STAU1: variants seen among roughly 807,000 people sequenced by gnomAD.
STAU1 encodes staufen double-stranded RNA binding protein 1.
A neutral mutation model predicts 62.9 loss-of-function variants in STAU1; 13 were observed. The observed-to-expected ratio is 0.21, with a 90% CI of 0.13 to 0.33. The LOEUF (loss-of-function observed/expected upper bound fraction) is 0.33. Among genes scored for constraint, STAU1 ranks in the 10% least tolerant of loss-of-function variants. The pLI, the probability that STAU1 is intolerant of heterozygous loss-of-function variation, is 1.00. For missense variants in STAU1, 571 were observed against 712.1 expected, an observed-to-expected ratio of 0.80 and a Z score of 2.25; for synonymous variants, 269 against 265.1, an observed-to-expected ratio of 1.01 and a Z score of -0.14.
At chr20:49,131,601 G>A (rs1228252486) in intron 6 of STAU1, among the ~76,000 whole-genome samples, 2 of 152,088 alleles carry the variant, frequency 1.3e-5, no homozygotes, top group African/African-American at 2.4e-5. Flanking sequence ...CCAGCACTTT[G>A]GGAGGCCAAG....
chr20:49,159,820 C>T (rs1335550729), intron 3 of STAU1, among the ~76,000 whole-genome samples: 3 of 152,210 alleles, frequency 2.0e-5, no homozygotes, highest in Non-Finnish European at 4.4e-5. Flanking sequence ...CCTTGGCCTT[C>T]CAAAGTGCTG....
At chr20:49,164,956 C>A (rs1365980544) in intron 3 of STAU1, among the ~76,000 whole-genome samples, 1 of 152,296 alleles carries the variant, frequency 6.6e-6, no homozygotes, top group Middle Eastern at 3.4e-3. Context: ...TGGCTGCCCC[C>A]TTGCTTGGGA....
chr20:49,170,183 G>A lies in STAU1; in HGVS notation c.-84-3898C>T, dbSNP rs117493475. ...CTAGACCATACTGAGCACAGTCCGA[G>A]TGATTTAATATACAAGAAGGCAGAC... On this transcript the variant is annotated intron_variant, in intron 2 of 13. Transcript: ENST00000371856. Among the ~76,000 whole-genome samples the A allele has an allele frequency of 5.1e-3, 772 of 152,296 alleles. 5 individuals are homozygous for A. The highest frequency in any genetic ancestry group is 0.035 in the South Asian group (171 of 4,828).
chr20:49,117,915 T>G lies in STAU1; in HGVS notation c.1371A>C (p.Arg457=). The part of the protein sequence containing the change: ...AKATVTAMIA[R]ELLYGGTSPT... The stretch of plus-strand genomic sequence containing the variant: ...GCGAGGTGCCCCCATACAACAACTC[T>G]CGGGCTATCATGGCAGTTACCGTGG... The change falls in exon 11 of 14, where the codon CGA becomes CGC. Residue 457 remains arginine, a synonymous_variant. Transcript: ENST00000371856. The surrounding 1 kb of genome is among the most constrained non-coding windows in gnomAD (Gnocchi z 4.6). 6.2e-7 allele frequency: 1 copy of G among 1,614,112 alleles called. No individual in the cohort carries two copies. Among genetic ancestry groups the G allele is most frequent in the Non-Finnish European group, 8.5e-7 (1 of 1,180,014 alleles).
chr20:49,173,634 A>AG (rs2093624987), intron 2 of STAU1, among the ~76,000 whole-genome samples: 3 of 152,330 alleles, frequency 2.0e-5, no homozygotes, highest in South Asian at 4.1e-4. Context: ...CAGCTTCTAG[A>AG]GGGAAAGTGT....
the STAU1 span, among the ~76,000 whole-genome samples, chr20:49,208,744 C>T: frequency 2.0e-5 from 3 of 151,580 alleles, no homozygotes; most frequent in Non-Finnish European, 2.9e-5. Context: ...CTCAGCCTCC[C>T]GAGTAGGTGG....
chr20:49,125,608 A>G (rs1484824014), intron 6 of STAU1, among the ~76,000 whole-genome samples: 1 of 149,008 alleles, frequency 6.7e-6, no homozygotes, highest in Non-Finnish European at 1.5e-5. Flanking sequence ...GCACTTTGGG[A>G]GGCCGAGGCA....
At chr20:49,138,828 G>C (rs976839416) in intron 5 of STAU1, among the ~76,000 whole-genome samples, 2 of 151,990 alleles carry the variant, frequency 1.3e-5, no homozygotes, top group African/African-American at 4.8e-5. Flanking sequence ...TAAATCCTAA[G>C]CAGAAAAAGG....
Position 49,117,983 on chromosome 20 carries a change from G to A in STAU1, c.1303C>T (p.His435Tyr). ...AQAVGVSQGHHTKDFTRAAPN... is the reference protein window; with the variant it reads ...AQAVGVSQGHYTKDFTRAAPN... ...GCTGCCCTGGTAAAATCTTTGGTGT[G>A]ATGTCCTTGACTAACTCCTACAGCC... The change falls in exon 11 of 14, where the codon CAC (histidine) becomes TAC (tyrosine). Residue 435 changes from histidine to tyrosine, a missense_variant. By Grantham distance (83) the His-to-Tyr change is moderately conservative. Around this residue, in one of 3 missense-constraint regions of STAU1, gnomAD observed 156 missense variants for 194.7 expected, o/e 0.80. Transcript: ENST00000371856. This position sits in a 1 kb window ranked among gnomAD's most constrained non-coding sequence, Gnocchi z 4.6. 4 of 1,614,204 alleles carry A rather than the reference G, an allele frequency of 2.5e-6. No individual in the cohort carries two copies. The highest frequency in any genetic ancestry group is 3.4e-6 in the Non-Finnish European group (4 of 1,180,038).
chr20:49,135,127 T>C (rs1479473122), intron 6 of STAU1: 2 of 801,772 alleles, frequency 2.5e-6, no homozygotes, highest in Non-Finnish European at 2.2e-6. Flanking sequence ...GAGAAGAGCA[T>C]GTCTTTACTT....
At chr20:49,157,262 C>A (rs1369901026) in intron 3 of STAU1, among the ~76,000 whole-genome samples, 1 of 152,146 alleles carries the variant, frequency 6.6e-6, no homozygotes, top group Non-Finnish European at 1.5e-5. Flanking sequence ...CAAATTAAGA[C>A]AATGTTTGTT....
chr20:49,187,340 A>G (rs767126599), intron 1 of STAU1, among the ~76,000 whole-genome samples: 16 of 152,160 alleles, frequency 1.1e-4, no homozygotes, highest in Non-Finnish European at 2.1e-4. Context: ...CAGTGTCCCA[A>G]TTAAGCGTAC....
At chr20:49,161,429 T>C (rs1294016212) in intron 3 of STAU1, among the ~76,000 whole-genome samples, 1 of 152,242 alleles carries the variant, frequency 6.6e-6, no homozygotes, top group Non-Finnish European at 1.5e-5. Flanking sequence ...TGTCTAAGTA[T>C]AGTTTTTGTT....
the STAU1 span, among the ~76,000 whole-genome samples, chr20:49,218,091 T>A: frequency 1.3e-5 from 2 of 151,096 alleles, no homozygotes; most frequent in South Asian, 4.2e-4. Flanking sequence ...GTCAGGCTGG[T>A]TTTAAACTCC....
Position 49,124,251 on chromosome 20 carries a change from G to C in STAU1, c.822+124C>G, listed in dbSNP as rs1000551369. 5.2e-6 allele frequency: 5 copies of C among 952,862 alleles called. No individual in the cohort carries two copies. In the African/African-American group the frequency reaches 8.2e-5, roughly 16 times the overall value. The allele number at this position is 952,862 out of a possible 1,614,324, so 59.0% of individuals were successfully genotyped here. A position where few individuals can be genotyped will look rare whatever the true frequency, so the allele number is the denominator to read the frequency against. On this transcript the variant is annotated intron_variant, in intron 7 of 13. Transcript: ENST00000371856. ...TCTTGCAGCACCTCTAAGGGGTCTG[G>C]CAGGCCTGGGGTGTGGCACGTTGGT... is the stretch of plus-strand genomic sequence containing the variant.
chr20:49,149,932 T>C (rs1600736672), intron 5 of STAU1, among the ~76,000 whole-genome samples: 1 of 152,250 alleles, frequency 6.6e-6, no homozygotes, highest in Non-Finnish European at 1.5e-5. Flanking sequence ...CCCACTGTTC[T>C]GTGCAGGATC....
chr20:49,157,908 C>T (rs930010290), intron 3 of STAU1, among the ~76,000 whole-genome samples: 7 of 152,092 alleles, frequency 4.6e-5, no homozygotes, highest in Admixed American at 3.9e-4. Flanking sequence ...AAGGCATGAG[C>T]GTTTCTATTT....
In STAU1 at chr20:49,166,033, G is replaced by A. The variant is rs754637504; in HGVS notation, c.169C>T (p.Pro57Ser). 1 of 1,614,096 alleles carries A rather than the reference G, an allele frequency of 6.2e-7. No homozygotes were observed. The highest frequency in any genetic ancestry group is 1.3e-5 in the African/African-American group (1 of 74,938). ...CTGGTGGATGTAATAGATGCAGAGG[G>A]TAAAGCAGAGTTTTGAATGGGTCTA... is the stretch of plus-strand genomic sequence containing the variant. ...AGRPIQNSAL[P>S]SASITSTSAA... is the part of the protein sequence containing the mutation. The change falls in exon 3 of 14, where the codon CCC (proline) becomes TCC (serine). Residue 57 changes from proline (P) to serine (S), a missense_variant. Coordinates refer to ENST00000371856, the MANE Select transcript of STAU1 (RefSeq NM_017453.4).
intron 3 of STAU1, among the ~76,000 whole-genome samples, chr20:49,163,791 G>T (rs2146364437): frequency 6.6e-6 from 1 of 152,024 alleles, no homozygotes; most frequent in Non-Finnish European, 1.5e-5. Flanking sequence ...TTTTGAGTCA[G>T]TCTCAGTCTG....
Sources: allele counts gnomAD v4.1 joint callset (sites outside exome capture counted in the v4.1 genomes callset), GRCh38; gene constraint gnomAD v4.1.1; regional missense constraint gnomAD v4.1.1; non-coding constraint Gnocchi (gnomAD v3.1); transcripts MANE v1.5; gene names NCBI Gene and HGNC (gene_info 2026-07-23, HGNC 2026-07-21).